Variants in PLCB1 observed in about 807,000 individuals in gnomAD.
PLCB1 encodes phospholipase C beta 1.
PLCB1 carries 46 observed loss-of-function variants against 161.8 expected under a neutral mutation model. That is an observed-to-expected ratio of 0.28 (90% CI 0.22 to 0.36). The LOEUF is 0.36. PLCB1 is among the 10% of genes least tolerant of loss of function. The probability of loss-of-function intolerance (pLI) is 1.00; values close to 1 mark genes in which losing one functional copy is unlikely to be tolerated. For synonymous variants in PLCB1, 517 were observed against 503.7 expected (o/e 1.03, Z -0.35); for missense variants, 1,016 against 1,472.5 (o/e 0.69, Z 5.07).
At chr20:8,865,565 T>C (rs1987399432) in intron 31 of PLCB1, among the ~76,000 whole-genome samples, 1 of 152,230 alleles carries the variant, frequency 6.6e-6, no homozygotes. Context: ...ATTTTATTTC[T>C]TTTTTGTACA....
intron 2 of PLCB1, among the ~76,000 whole-genome samples, chr20:8,184,632 A>G (rs1177381644): frequency 2.0e-5 from 3 of 151,888 alleles, no homozygotes; most frequent in Non-Finnish European, 2.9e-5. Flanking sequence ...TAGCAATTCA[A>G]TTAAAATTGG....
intron 2 of PLCB1, among the ~76,000 whole-genome samples, chr20:8,243,044 G>A (rs942103521): frequency 1.9e-4 from 29 of 151,962 alleles, no homozygotes; most frequent in Admixed American, 3.9e-4. Context: ...TTACGGGCAT[G>A]CTATCTGTGG....
chr20:8,310,348 A>G (rs975315256), intron 2 of PLCB1, among the ~76,000 whole-genome samples: 6 of 152,230 alleles, frequency 3.9e-5, no homozygotes, highest in African/African-American at 1.4e-4. Flanking sequence ...AGTTGAATGA[A>G]GTTCAACTGT....
At chr20:8,349,632 TTTTG>T (rs1285095420) in intron 2 of PLCB1, among the ~76,000 whole-genome samples, 16 of 152,188 alleles carry the variant, frequency 1.1e-4, no homozygotes, top group South Asian at 6.2e-4. Context: ...TGTTTTGGTT[TTTTG>T]TTTGTTTGTT....
intron 3 of PLCB1, among the ~76,000 whole-genome samples, chr20:8,541,562 G>GAGAAAGAAAGAAAGAAAGAAAGAA (rs11467115): frequency 0.084 from 9,595 of 114,120 alleles, 635 homozygotes; most frequent in African/African-American, 0.1. Context: ...AAGGAAGAAA[G>GAGAAAGAAAGAAAGAAAGAAAGAA]AGAAAGAAAG....
At chr20:8,743,097 G>A (rs1470784207) in intron 23 of PLCB1, among the ~76,000 whole-genome samples, 1 of 152,154 alleles carries the variant, frequency 6.6e-6, no homozygotes, top group Non-Finnish European at 1.5e-5. Context: ...GAATAACAGT[G>A]GTGAAAGTGA....
chr20:8,195,644 T>C (rs887817995), intron 2 of PLCB1, among the ~76,000 whole-genome samples: 3 of 152,122 alleles, frequency 2.0e-5, no homozygotes, highest in Non-Finnish European at 4.4e-5. Flanking sequence ...ATGGATTTTT[T>C]ATTCTAGAAT....
intron 2 of PLCB1, among the ~76,000 whole-genome samples, chr20:8,180,681 A>C (rs75237125): frequency 0.047 from 7,097 of 152,216 alleles, 525 homozygotes; most frequent in African/African-American, 0.16. Context: ...ATGTATTTGT[A>C]AATTTCCTTT....
intron 3 of PLCB1, among the ~76,000 whole-genome samples, chr20:8,479,892 A>G (rs1200278583): frequency 6.6e-6 from 1 of 152,250 alleles, no homozygotes; most frequent in Non-Finnish European, 1.5e-5. Flanking sequence ...ATCTATATGC[A>G]CAAAGCACGT....
chr20:8,204,967 T>C (rs560262559), intron 2 of PLCB1, among the ~76,000 whole-genome samples: 80 of 152,332 alleles, frequency 5.3e-4, no homozygotes, highest in Non-Finnish European at 9.8e-4. Context: ...ATTCAGTTAA[T>C]CTTATTCTGC....
At chr20:8,820,602 C>G (rs1427263796) in intron 31 of PLCB1, among the ~76,000 whole-genome samples, 1 of 152,062 alleles carries the variant, frequency 6.6e-6, no homozygotes, top group East Asian at 1.9e-4. Context: ...GGTGTACAGT[C>G]CTATAACCAG....
At chr20:8,865,815 G>A (rs1987409588) in intron 31 of PLCB1, among the ~76,000 whole-genome samples, 1 of 152,184 alleles carries the variant, frequency 6.6e-6, no homozygotes, top group Admixed American at 6.6e-5. Context: ...TGTAAACATT[G>A]TCCTTGGATT....
intron 31 of PLCB1, among the ~76,000 whole-genome samples, chr20:8,852,969 T>C (rs562633198): frequency 5.3e-5 from 8 of 152,250 alleles, no homozygotes; most frequent in East Asian, 3.9e-4. Flanking sequence ...CCCATATCCA[T>C]TGGGGACATG....
intron 27 of PLCB1, among the ~76,000 whole-genome samples, chr20:8,787,312 G>T (rs1177838694): frequency 1.3e-5 from 2 of 152,222 alleles, no homozygotes; most frequent in Non-Finnish European, 2.9e-5. Flanking sequence ...GTGGATTTCT[G>T]TGGCTCCACC....
intron 31 of PLCB1, among the ~76,000 whole-genome samples, chr20:8,793,254 A>G (rs1282775439): frequency 6.6e-6 from 1 of 152,260 alleles, no homozygotes; most frequent in African/African-American, 2.4e-5. Flanking sequence ...TGGGTTTTGG[A>G]TGAGGAACGT....
At chr20:8,754,393 CAAAAAAA>C (rs5840280) in intron 23 of PLCB1, among the ~76,000 whole-genome samples, 1 of 129,972 alleles carries the variant, frequency 7.7e-6, no homozygotes, top group African/African-American at 2.9e-5. Context: ...TTTTAGTTGC[CAAAAAAA>C]AAAAAAAAGC....
At chr20:8,236,737 C>T (rs1316178253) in intron 2 of PLCB1, among the ~76,000 whole-genome samples, 1 of 151,796 alleles carries the variant, frequency 6.6e-6, no homozygotes, top group Non-Finnish European at 1.5e-5. Context: ...AAATAGATGA[C>T]ATTTTAGAAA....
At chr20:8,502,550 T>C (rs1026330819) in intron 3 of PLCB1, among the ~76,000 whole-genome samples, 6 of 152,204 alleles carry the variant, frequency 3.9e-5, no homozygotes, top group Non-Finnish European at 7.3e-5. Flanking sequence ...AGTTCATCTA[T>C]CTATCGAACA....
chr20:8,463,177 G>GTGTGTGTGTGTGTGTC (rs1359449666), intron 3 of PLCB1, among the ~76,000 whole-genome samples: 3 of 151,034 alleles, frequency 2.0e-5, no homozygotes, highest in African/African-American at 4.9e-5. Flanking sequence ...GTGTGTGTGT[G>GTGTGTGTGTGTGTGTC]TGTGTCTGTG....
Sources: gnomAD v4.1 joint callset for allele counts (sites outside exome capture counted in the v4.1 genomes callset) on GRCh38, gnomAD v4.1.1 for gene constraint, MANE v1.5 for transcripts, NCBI Gene and HGNC (gene_info 2026-07-23, HGNC 2026-07-21) for gene names.